TMTC2: variants seen among roughly 807,000 people sequenced by gnomAD.
The protein encoded by TMTC2 is transmembrane O-mannosyltransferase targeting cadherins 2.
Under a neutral mutation model 82.4 loss-of-function variants are expected in TMTC2, and 43 were observed. The ratio of observed to expected loss-of-function variants is 0.52; its 90% confidence interval spans 0.41 to 0.67. The LOEUF is 0.67. Ranked by LOEUF, TMTC2 falls within the 30% of genes least tolerant of loss-of-function variation. TMTC2 has a pLI of 0.00. For synonymous variants in TMTC2, 408 were observed against 381.9 expected (o/e 1.07, Z -0.80); for missense variants, 919 against 1,012.4 (o/e 0.91, Z 1.25).
intron 11 of TMTC2, among the ~76,000 whole-genome samples, chr12:83,097,879 T>C (rs1417025352): frequency 6.6e-6 from 1 of 152,110 alleles, no homozygotes; most frequent in Non-Finnish European, 1.5e-5. Context: ...AATGCCAGTG[T>C]TGGAAGTAGC....
At chr12:82,957,371 T>TA (rs1877671094) in intron 4 of TMTC2, among the ~76,000 whole-genome samples, 1 of 152,256 alleles carries the variant, frequency 6.6e-6, no homozygotes, top group East Asian at 1.9e-4. Flanking sequence ...GTCTCTGGGA[T>TA]ACAGCAAAAG....
intron 9 of TMTC2, among the ~76,000 whole-genome samples, chr12:83,043,302 C>T (rs1387120365): frequency 6.6e-6 from 1 of 152,196 alleles, no homozygotes; most frequent in Non-Finnish European, 1.5e-5. Context: ...GCTGTGTTAT[C>T]ATCAACCCTC....
In TMTC2 at chr12:83,030,866, T is replaced by C. The variant is rs779957805; in HGVS notation, c.2139T>C (p.Cys713=). 7.4e-6 allele frequency: 12 copies of C among 1,612,664 alleles called. No individual in the cohort carries two copies. The highest frequency in any genetic ancestry group is 1.0e-5 in the Non-Finnish European group (12 of 1,178,840). The change falls in exon 9 of 12, where the codon TGT becomes TGC. Residue 713 remains cysteine, a synonymous_variant. Transcript: ENST00000321196. ...AGCTGGATCCCACCAAAGGAAACTG[T>C]TACATGCATTATGGTGAGTGGTTGA... ...AIELDPTKGN[C]YMHYGQFLLE... is the part of the protein sequence containing the mutation.
intron 2 of TMTC2, among the ~76,000 whole-genome samples, chr12:82,871,681 C>CTGTGTGTGTGTGTGTGTGTGTG (rs10662218): frequency 7.0e-6 from 1 of 142,104 alleles, no homozygotes; most frequent in African/African-American, 2.6e-5. Context: ...CTCTGCTCAT[C>CTGTGTGTGTGTGTGTGTGTGTG]TGTGTGTGTG....
In TMTC2 at chr12:83,124,172, A is replaced by C. The variant is rs985164512; in HGVS notation, c.2332-8038A>C. Reference sequence around the variant, plus strand: ...TATGTACTTAAAATTACTTCAAGCTACATACAGACTAAAAATATATATTGC... The same window carrying C: ...TATGTACTTAAAATTACTTCAAGCTCCATACAGACTAAAAATATATATTGC... On this transcript the variant is annotated intron_variant, in intron 11 of 11. Coordinates refer to ENST00000321196, the MANE Select transcript of TMTC2 (RefSeq NM_152588.3). Among the ~76,000 whole-genome samples the C allele has an allele frequency of 2.0e-5, 3 of 152,260 alleles. No homozygotes were observed. In the East Asian group the frequency reaches 5.8e-4, roughly 29 times the overall value.
intron 8 of TMTC2, among the ~76,000 whole-genome samples, chr12:82,998,326 G>A (rs992450478): frequency 1.3e-5 from 2 of 152,062 alleles, no homozygotes; most frequent in Non-Finnish European, 2.9e-5. Flanking sequence ...TATTAACATC[G>A]AGGCTAGAGC....
chr12:83,043,012 G>T (rs1393975344), intron 9 of TMTC2, among the ~76,000 whole-genome samples: 1 of 152,122 alleles, frequency 6.6e-6, no homozygotes, highest in African/African-American at 2.4e-5. Flanking sequence ...CATTAGGCCT[G>T]TCTCACGAAA....
Position 82,896,618 on chromosome 12 carries a change from A to T in TMTC2, c.1455A>T (p.Arg485Ser). 5 of 1,610,708 alleles carry T rather than the reference A, an allele frequency of 3.1e-6. No individual in the cohort carries two copies. The highest frequency in any genetic ancestry group is 4.2e-6 in the Non-Finnish European group (5 of 1,178,992). The change falls in exon 3 of 12, where the codon AGA (arginine) becomes AGT (serine). Residue 485 changes from arginine (R) to serine (S), a missense_variant. Physicochemically the swap from Arg to Ser is moderately radical, Grantham distance 110. Coordinates refer to ENST00000321196, the MANE Select transcript of TMTC2 (RefSeq NM_152588.3). ...GGCAGAATGAGGAAATGCTTTATAG[A>T]TCAGGGATAAAAGTAAACCCAGCTA... ...GDWQNEEMLY[R>S]SGIKVNPAKA...
intron 3 of TMTC2, among the ~76,000 whole-genome samples, chr12:82,927,351 G>T (rs1414419645): frequency 6.6e-6 from 1 of 152,088 alleles, no homozygotes; most frequent in Non-Finnish European, 1.5e-5. Flanking sequence ...ATTAGAAGTG[G>T]GCCTAAAGAT....
intron 8 of TMTC2, among the ~76,000 whole-genome samples, chr12:83,025,044 T>C (rs113663818): frequency 0.018 from 2,752 of 152,080 alleles, 42 homozygotes; most frequent in Middle Eastern, 0.082. Flanking sequence ...AATACAAAAA[T>C]TAGCCGGGTG....
rs146188211 is a variant in TMTC2 at position 83,103,287 on chromosome 12, G to A, written c.2332-28923G>A. On this transcript the variant is annotated intron_variant, in intron 11 of 11. Coordinates refer to ENST00000321196, the MANE Select transcript of TMTC2 (RefSeq NM_152588.3). ...CAATATTGAGTCAAGACCCAATGTA[G>A]GAATTTCAGGTGTGTGTTAGGCTGG... Among the ~76,000 whole-genome samples, 148 of 152,316 alleles carry A rather than the reference G, an allele frequency of 9.7e-4. 2 individuals carry two copies. Among genetic ancestry groups the A allele is most frequent in the African/African-American group, 3.3e-3 (137 of 41,566 alleles).
chr12:82,833,733 G>T (rs899909448), intron 1 of TMTC2, among the ~76,000 whole-genome samples: 6 of 152,150 alleles, frequency 3.9e-5, no homozygotes, highest in Non-Finnish European at 8.8e-5. Flanking sequence ...GCTGACCAGA[G>T]CTCTGTCTTG....
At chr12:82,725,487 A>C (rs1874405204) in intron 1 of TMTC2, among the ~76,000 whole-genome samples, 1 of 152,210 alleles carries the variant, frequency 6.6e-6, no homozygotes, top group Non-Finnish European at 1.5e-5. Flanking sequence ...TGATATCATA[A>C]AAAGAAAAAT....
At position 82,760,645 on chromosome 12, in the gene TMTC2, C is replaced by A. The variant is rs188434872; in HGVS notation, c.83+72976C>A. On this transcript the variant is annotated intron_variant, in intron 1 of 11. Coordinates refer to ENST00000321196, the MANE Select transcript of TMTC2 (RefSeq NM_152588.3). ...GCCTGTTAGAAACTGGGCCACACAG[C>A]AGGAGGTGAATGGCAGGTGAGCCAG... Among the ~76,000 whole-genome samples, 272 of 152,078 alleles carry A rather than the reference C, an allele frequency of 1.8e-3. 1 individual carries two copies. The highest frequency in any genetic ancestry group is 6.1e-3 in the African/African-American group (254 of 41,488).
chr12:82,819,855 A>G (rs1419612059), intron 1 of TMTC2, among the ~76,000 whole-genome samples: 3 of 152,100 alleles, frequency 2.0e-5, no homozygotes, highest in African/African-American at 2.4e-5. Context: ...AGACAGAACT[A>G]ATAGGATAGA....
At chr12:82,899,833 T>C (rs2137187985) in intron 3 of TMTC2, among the ~76,000 whole-genome samples, 1 of 145,142 alleles carries the variant, frequency 6.9e-6, no homozygotes, top group East Asian at 2.0e-4. Flanking sequence ...TATAGGAATA[T>C]ATATACATAT....
intron 1 of TMTC2, among the ~76,000 whole-genome samples, chr12:82,736,519 T>C (rs1465960853): frequency 6.6e-6 from 1 of 152,228 alleles, no homozygotes; most frequent in African/African-American, 2.4e-5. Flanking sequence ...CTATTATGCA[T>C]GCTTTCCAGT....
chr12:82,733,302 T>C (rs539429111), intron 1 of TMTC2, among the ~76,000 whole-genome samples: 34 of 152,364 alleles, frequency 2.2e-4, no homozygotes, highest in African/African-American at 8.2e-4. Context: ...GCTATTTCAG[T>C]TCAGCAACAT....
intron 1 of TMTC2, among the ~76,000 whole-genome samples, chr12:82,716,458 G>C (rs868828283): frequency 3.2e-4 from 48 of 151,386 alleles, no homozygotes; most frequent in African/African-American, 1.1e-3. Flanking sequence ...CCGCCTCCCG[G>C]GTTCACGCCA....
Sources: allele counts gnomAD v4.1 joint callset (sites outside exome capture counted in the v4.1 genomes callset), GRCh38; gene constraint gnomAD v4.1.1; transcripts MANE v1.5; gene names NCBI Gene and HGNC (gene_info 2026-07-23, HGNC 2026-07-21).